The following ARCN1 variants were observed in gnomAD, a reference collection of about 807,000 sequenced individuals.
The protein encoded by ARCN1 is coatomer subunit delta.
Under a neutral mutation model 60.4 loss-of-function variants are expected in ARCN1, and 5 were observed. The ratio of observed to expected loss-of-function variants is 0.08; its 90% CI spans 0.04 to 0.17. The LOEUF (loss-of-function observed/expected upper bound fraction) is 0.17, where lower values mean the gene tolerates loss of function less well. ARCN1 is among the 10% of genes least tolerant of loss of function. The pLI, the probability that ARCN1 is intolerant of heterozygous loss-of-function variation, is 1.00. For missense variants in ARCN1, 464 were observed against 626.5 expected (o/e 0.74, Z 2.77); for synonymous variants, 224 against 220.0 (o/e 1.02, Z -0.16).
Position 118,600,903 on chromosome 11 carries a change from T to A in ARCN1, c.*189T>A. ...TCAGTGTCACAGAGACATTCTTTGA[T>A]AAGGAAATGGCACAAACATAAAGGG... On this transcript the variant is annotated 3_prime_UTR_variant, in exon 10 of 10. Transcript: ENST00000264028. 2 of 442,812 alleles carry A rather than the reference T, an allele frequency of 4.5e-6. No individual in the cohort carries two copies. The highest frequency in any genetic ancestry group is 8.1e-6 in the Non-Finnish European group (2 of 248,262). The allele number at this position is 442,812 out of a possible 1,614,324, so 27.4% of individuals were successfully genotyped here. A position where few individuals can be genotyped will look rare whatever the true frequency, so the allele number is the denominator to read the frequency against.
At chr11:118,594,412 G>A (rs1294538351) in intron 8 of ARCN1, among the ~76,000 whole-genome samples, 9 of 151,434 alleles carry the variant, frequency 5.9e-5, no homozygotes, top group African/African-American at 2.2e-4. Flanking sequence ...GAATTGCTCT[G>A]TGACTTGATT....
intron 1 of ARCN1, among the ~76,000 whole-genome samples, chr11:118,576,432 A>T (rs1233255164): frequency 1.4e-5 from 2 of 141,502 alleles, no homozygotes; most frequent in African/African-American, 5.4e-5. Flanking sequence ...ATGTTAAAAA[A>T]AAAAAAAAAA....
intron 1 of ARCN1, 197 bp downstream of exon 1, chr11:118,572,747 T>G (rs1016366720): frequency 7.3e-5 from 40 of 549,700 alleles, no homozygotes; most frequent in Non-Finnish European, 1.2e-4. Context: ...CCAGTCCATC[T>G]GTCGTCGTGC....
At position 118,581,504 on chromosome 11, in the gene ARCN1, A is replaced by C. The variant is rs1555074635; in HGVS notation, c.262A>C (p.Arg88=). The C allele has an allele frequency of 2.5e-6, 4 of 1,609,292 alleles. No homozygotes were observed. The highest frequency in any genetic ancestry group is 2.2e-5 in the South Asian group (2 of 90,856). The change falls in exon 2 of 10, where the codon AGA becomes CGA. Residue 88 remains arginine, a synonymous_variant. Transcript: ENST00000264028. ...EDLETLRLFS[R]VIPEYCRALE... The stretch of plus-strand genomic sequence containing the variant: ...TTTGGAGACCCTAAGGCTCTTCTCA[A>C]GAGTGGTAAGAGTACTGCTATAATA...
intron 2 of ARCN1, among the ~76,000 whole-genome samples, chr11:118,582,775 T>C (rs900998201): frequency 4.1e-5 from 6 of 146,832 alleles, no homozygotes; most frequent in African/African-American, 7.6e-5. Context: ...GCGCAGTGGC[T>C]CACGCCTGTA....
chr11:118,587,345 A>G (rs1938801492), intron 5 of ARCN1, among the ~76,000 whole-genome samples: 1 of 152,186 alleles, frequency 6.6e-6, no homozygotes, highest in African/African-American at 2.4e-5. Flanking sequence ...ATGGTCTGTG[A>G]TATACAGATG....
chr11:118,584,084 G>A, intron 4 of ARCN1, 70 bp downstream of exon 4: 3 of 1,438,272 alleles, frequency 2.1e-6, no homozygotes, highest in South Asian at 1.3e-5. Flanking sequence ...GTCATAATCT[G>A]ATTTCTTGGA....
intron 7 of ARCN1, 58 bp downstream of exon 7, chr11:118,592,914 C>T (rs1487504909): frequency 1.4e-5 from 20 of 1,476,474 alleles, no homozygotes; most frequent in Non-Finnish European, 1.8e-5. Flanking sequence ...AGAAATAGCC[C>T]TTGCTGGTAC....
In ARCN1 at chr11:118,581,929, G is replaced by GACACACAC. The variant is rs1179195532; in HGVS notation, c.267+423_267+424insCACACACA. Among the ~76,000 whole-genome samples, 79 of 132,370 alleles carry GACACACAC rather than the reference G, an allele frequency of 6.0e-4. 3 individuals carry two copies. In the East Asian group the frequency reaches 9.8e-3, roughly 16 times the overall value. The allele number at this position is 132,370 out of a possible 152,430, so 86.8% of individuals were successfully genotyped here. On this transcript the variant is annotated intron_variant, in intron 2 of 9. Transcript: ENST00000264028. ...AGACTTACTGATCCAGAGACAGACA[G>GACACACAC]ACAGACAGACACACACACACACACA... is the stretch of plus-strand genomic sequence containing the variant.
Position 118,583,277 on chromosome 11 carries a change from G to A in ARCN1, c.366G>A (p.Arg122=). 6.2e-7 allele frequency: 1 copy of A among 1,614,154 alleles called. No homozygotes were observed. Among genetic ancestry groups the A allele is most frequent in the Non-Finnish European group, 8.5e-7 (1 of 1,180,026 alleles). Residue 122 remains arginine, a synonymous_variant, in exon 3 of 10, where the codon CGG becomes CGA. Transcript: ENST00000264028. ...AFDEIVALGY[R]ENVNLAQIRT... ...ATGAAATTGTCGCACTGGGATACCG[G>A]GAGAATGTTAACTTGGCACAGATCA...
At position 118,576,817 on chromosome 11, in the gene ARCN1, T is replaced by G. The variant is rs192808416; in HGVS notation, c.3+4267T>G. Among the ~76,000 whole-genome samples the G allele has an allele frequency of 9.8e-4, 149 of 152,258 alleles. 2 individuals carry two copies. The highest frequency in any genetic ancestry group is 3.3e-3 in the African/African-American group (135 of 41,534). ...TTTTGGAAGCCTTGTTTTGCTTGTA[T>G]CTGGATAATGGAATGACTCAAAGAG... On this transcript the variant is annotated intron_variant, in intron 1 of 9. Transcript: ENST00000264028.
intron 1 of ARCN1, among the ~76,000 whole-genome samples, chr11:118,575,670 G>T (rs1028201050): frequency 4.6e-5 from 7 of 152,186 alleles, no homozygotes; most frequent in African/African-American, 1.7e-4. Flanking sequence ...GCATGTATAT[G>T]TGTATAAAAT....
intron 1 of ARCN1, among the ~76,000 whole-genome samples, chr11:118,578,870 CTCTCTTTTTTTTTTT>C (rs782322232): frequency 1.1e-5 from 1 of 86,962 alleles, no homozygotes. Context: ...AAAACCCCGT[CTCTCTTTTTTTTTTT>C]TTTTTTTTTT....
intron 1 of ARCN1, among the ~76,000 whole-genome samples, chr11:118,574,974 T>C (rs536326124): frequency 1.3e-5 from 2 of 152,086 alleles, no homozygotes; most frequent in African/African-American, 4.8e-5. Context: ...TGTTCTGACT[T>C]TTTTTCTTGT....
At chr11:118,585,937 G>C (rs1186915405) in intron 5 of ARCN1, among the ~76,000 whole-genome samples, 3 of 152,222 alleles carry the variant, frequency 2.0e-5, no homozygotes, top group Admixed American at 6.5e-5. Context: ...TTAAGTGGTA[G>C]TTATCAAGTT....
chr11:118,598,548 G>C (rs1210254019), intron 9 of ARCN1, among the ~76,000 whole-genome samples: 2 of 146,276 alleles, frequency 1.4e-5, no homozygotes, highest in African/African-American at 2.6e-5. Flanking sequence ...AGGCTGGAGT[G>C]CAATGGCGCG....
Position 118,593,472 on chromosome 11 carries a change from C to T in ARCN1, c.1133-118C>T, listed in dbSNP as rs1938957489. 4 of 556,390 alleles carry T rather than the reference C, an allele frequency of 7.2e-6. No individual in the cohort carries two copies. In the Admixed American group the frequency reaches 8.0e-5, roughly 11 times the overall value. The allele number at this position is 556,390 out of a possible 1,614,324, so 34.5% of individuals were successfully genotyped here. A position where few individuals can be genotyped will look rare whatever the true frequency, so the allele number is the denominator to read the frequency against. ...TCTTGAACTCATGGCCTCAACCAAT[C>T]CTCCCACCTCGATCCTACCACCTTG... On this transcript the variant is annotated intron_variant, in intron 7 of 9. Coordinates refer to ENST00000264028, the MANE Select transcript of ARCN1 (RefSeq NM_001655.5).
At chr11:118,584,055 A>T in intron 4 of ARCN1, 41 bp downstream of exon 4, 1 of 1,556,490 alleles carries the variant, frequency 6.4e-7, no homozygotes, top group Non-Finnish European at 8.8e-7. Flanking sequence ...TGAAGGGTGT[A>T]TATGTGTCTA....
Position 118,599,014 on chromosome 11 carries a change from G to A in ARCN1, c.1446+1103G>A, listed in dbSNP as rs529239577. ...TCACCATATCGGTCAGGCTGGTCTCGAAATCCTGACCTGAGGTGATCCGCC... is the reference window on the plus strand; with the variant it reads ...TCACCATATCGGTCAGGCTGGTCTCAAAATCCTGACCTGAGGTGATCCGCC... On this transcript the variant is annotated intron_variant, in intron 9 of 9. Transcript: ENST00000264028. 1.5e-4 allele frequency among the ~76,000 whole-genome samples: 23 copies of A among 150,654 alleles called. No individual in the cohort carries two copies. In the South Asian group the frequency reaches 3.8e-3, roughly 25 times the overall value.
Sources: gnomAD v4.1 joint callset for allele counts (sites outside exome capture counted in the v4.1 genomes callset) on GRCh38, gnomAD v4.1.1 for gene constraint, MANE v1.5 for transcripts, NCBI Gene and HGNC (gene_info 2026-07-23, HGNC 2026-07-21) for gene names.